Variants in VWA3B observed in about 807,000 individuals in gnomAD.
VWA3B encodes von Willebrand factor A domain-containing protein 3B.
Under a neutral mutation model 158.3 loss-of-function variants are expected in VWA3B, and 138 were observed. The ratio of observed to expected loss-of-function variants is 0.87; its 90% CI spans 0.76 to 1.00. The LOEUF is 1.00. Among genes scored for constraint, VWA3B ranks in the 50% least tolerant of loss-of-function variants. The pLI, the probability that VWA3B is intolerant of heterozygous loss-of-function variation, is 0.00. For missense variants in VWA3B, 1,555 were observed against 1,565.1 expected (o/e 0.99, Z 0.11); for synonymous variants, 596 against 587.3 (o/e 1.01, Z -0.21).
chr2:98,096,155 T>C lies in VWA3B; in HGVS notation c.196+2867T>C, dbSNP rs929842037. 4.3e-4 allele frequency among the ~76,000 whole-genome samples: 66 copies of C among 152,236 alleles called. 3 individuals are homozygous for C. The highest frequency in any genetic ancestry group is 4.4e-5 in the Non-Finnish European group (3 of 68,034). On this transcript the variant is annotated intron_variant, in intron 2 of 27. Coordinates refer to ENST00000477737, the MANE Select transcript of VWA3B (RefSeq NM_144992.5). ...TCAGAGAATGGATTTGGAAATATTC[T>C]CTCCTCTTCAAGTTTTTGGGAAGAG...
At chr2:98,181,826 C>T (rs1680609202) in intron 9 of VWA3B, among the ~76,000 whole-genome samples, 1 of 152,198 alleles carries the variant, frequency 6.6e-6, no homozygotes, top group Admixed American at 6.5e-5. Flanking sequence ...GCATATGAGT[C>T]AGTAGGTCCG....
chr2:98,238,346 T>C (rs1319529365), intron 19 of VWA3B, among the ~76,000 whole-genome samples: 1 of 152,208 alleles, frequency 6.6e-6, no homozygotes, highest in African/African-American at 2.4e-5. Flanking sequence ...ACTCACCACT[T>C]GAACTTGACT....
At chr2:98,258,026 T>G (rs10211535) in intron 21 of VWA3B, among the ~76,000 whole-genome samples, 6,462 of 150,608 alleles carry the variant, frequency 0.043, 442 homozygotes, top group African/African-American at 0.15. Flanking sequence ...TTTGAGGGAC[T>G]TTTTGTATCT....
At chr2:98,329,418 A>G in the VWA3B span, among the ~76,000 whole-genome samples, 1 of 152,228 alleles carries the variant, frequency 6.6e-6, no homozygotes, top group African/African-American at 2.4e-5. Context: ...CGGAGAGAAA[A>G]TATTTGCAAT....
chr2:98,092,555 A>C (rs1325426397), intron 1 of VWA3B, among the ~76,000 whole-genome samples: 2 of 151,748 alleles, frequency 1.3e-5, no homozygotes, highest in Non-Finnish European at 2.9e-5. Context: ...AGGCAGCAGA[A>C]TTGCTTGAAC....
chr2:98,170,609 A>AT (rs34549342), intron 8 of VWA3B, among the ~76,000 whole-genome samples: 47,028 of 146,160 alleles, frequency 0.32, 9,105 homozygotes, highest in South Asian at 0.58. Context: ...AGTTAGGAAG[A>AT]TTTTTTTTTT....
At chr2:98,117,591 T>C (rs1674628398) in intron 3 of VWA3B, among the ~76,000 whole-genome samples, 1 of 151,982 alleles carries the variant, frequency 6.6e-6, no homozygotes, top group East Asian at 1.9e-4. Flanking sequence ...TGGTGGGGTG[T>C]TGGGGCTGCC....
intron 22 of VWA3B, among the ~76,000 whole-genome samples, chr2:98,288,749 T>C (rs1268066862): frequency 1.3e-5 from 2 of 152,224 alleles, no homozygotes; most frequent in African/African-American, 4.8e-5. Flanking sequence ...ATTTACGTTA[T>C]CTTTTATTCT....
At chr2:98,149,213 C>T (rs1037621351) in intron 7 of VWA3B, among the ~76,000 whole-genome samples, 1 of 152,130 alleles carries the variant, frequency 6.6e-6, no homozygotes, top group Non-Finnish European at 1.5e-5. Flanking sequence ...TGTATTAAAG[C>T]CTTAAACATT....
intron 12 of VWA3B, among the ~76,000 whole-genome samples, chr2:98,196,885 T>C (rs1682094074): frequency 6.6e-6 from 1 of 152,248 alleles, no homozygotes. Context: ...GCAAAAGTAG[T>C]ACGGAGCGTT....
In VWA3B at chr2:98,211,943, CA is replaced by C. The variant is rs1283379583; in HGVS notation, c.1754del (p.Asn585ThrfsTer3). On this transcript the variant is annotated frameshift_variant, in exon 13 of 28. Coordinates refer to ENST00000477737, the MANE Select transcript of VWA3B (RefSeq NM_144992.5). LOFTEE classifies it high-confidence loss of function. ...TTTTTTCCGTAGATTGGAAGCTCCA[CA>C]AACACCCTGAGTGCCCTGAAAACTG... The part of the protein sequence containing the change: ...WIRDIKIGSS[T>X]NTLSALKTAF... 1 of 1,614,086 alleles carries C rather than the reference CA, an allele frequency of 6.2e-7. No individual in the cohort carries two copies.
At chr2:98,283,297 G>A (rs964880770) in intron 22 of VWA3B, among the ~76,000 whole-genome samples, 7 of 152,172 alleles carry the variant, frequency 4.6e-5, no homozygotes, top group African/African-American at 1.4e-4. Context: ...ACATCTTTAC[G>A]GAATCAGGTT....
intron 7 of VWA3B, among the ~76,000 whole-genome samples, chr2:98,144,246 C>A (rs1677002424): frequency 6.6e-6 from 1 of 152,010 alleles, no homozygotes; most frequent in Admixed American, 6.5e-5. Context: ...CACAGTTAAC[C>A]AATCAATAAA....
At chr2:98,205,961 A>T (rs1287730931) in intron 12 of VWA3B, among the ~76,000 whole-genome samples, 1 of 152,188 alleles carries the variant, frequency 6.6e-6, no homozygotes, top group African/African-American at 2.4e-5. Context: ...CTATTTATGC[A>T]CATTTTCAAT....
At chr2:98,253,074 A>G (rs2105811111) in intron 20 of VWA3B, among the ~76,000 whole-genome samples, 1 of 152,280 alleles carries the variant, frequency 6.6e-6, no homozygotes, top group Non-Finnish European at 1.5e-5. Flanking sequence ...TAGTAACATG[A>G]ATATTATACG....
At chr2:98,225,168 A>G (rs995412973) in intron 14 of VWA3B, among the ~76,000 whole-genome samples, 2 of 152,234 alleles carry the variant, frequency 1.3e-5, no homozygotes, top group Non-Finnish European at 1.5e-5. Context: ...TCCTGACTTC[A>G]TGTGATCCAC....
chr2:98,288,864 C>T (rs1689322185), intron 22 of VWA3B, among the ~76,000 whole-genome samples: 1 of 152,130 alleles, frequency 6.6e-6, no homozygotes, highest in African/African-American at 2.4e-5. Flanking sequence ...GGTGGTAATA[C>T]CTATGCTTTT....
intron 8 of VWA3B, among the ~76,000 whole-genome samples, chr2:98,168,892 A>G (rs1679340822): frequency 1.3e-5 from 2 of 152,318 alleles, no homozygotes; most frequent in South Asian, 2.1e-4. Context: ...TCCTGCGGGG[A>G]GGAAGTAGAA....
Position 98,093,170 on chromosome 2 carries a change from A to G in VWA3B, c.78A>G (p.Thr26=), listed in dbSNP as rs866439968. ...QRQEGWINTK[T]DLAEQSLISS... ...AAGAGGGATGGATTAACACCAAAACAGACTTGGCTGAGCAGAGTCTCATTT... is the reference window on the plus strand; with the variant it reads ...AAGAGGGATGGATTAACACCAAAACGGACTTGGCTGAGCAGAGTCTCATTT... The change falls in exon 2 of 28, where the codon ACA becomes ACG. Residue 26 remains threonine, a synonymous_variant. Coordinates refer to ENST00000477737, the MANE Select transcript of VWA3B (RefSeq NM_144992.5). 3.1e-6 allele frequency: 5 copies of G among 1,614,166 alleles called. No individual in the cohort carries two copies. The African/African-American group carries it at 6.7e-5, about 22-fold the overall frequency.
Sources: allele counts gnomAD v4.1 joint callset (sites outside exome capture counted in the v4.1 genomes callset), GRCh38; gene constraint gnomAD v4.1.1; transcripts MANE v1.5; gene names NCBI Gene and HGNC (gene_info 2026-07-23, HGNC 2026-07-21).